The following ASPSCR1 variants were observed in gnomAD, a reference collection of about 807,000 sequenced individuals.
The protein encoded by ASPSCR1 is ASPSCR1 tether for SLC2A4, UBX domain containing.
Under a neutral mutation model 68.9 loss-of-function variants are expected in ASPSCR1, and 55 were observed. The ratio of observed to expected loss-of-function variants is 0.80; its 90% CI spans 0.64 to 1.00. The LOEUF (loss-of-function observed/expected upper bound fraction) is 1.00, where lower values mean the gene tolerates loss of function less well. Among genes scored for constraint, ASPSCR1 ranks in the 50% least tolerant of loss-of-function variants. The probability of loss-of-function intolerance (pLI) is 0.00; values close to 1 mark genes in which losing one functional copy is unlikely to be tolerated. For missense variants in ASPSCR1, 765 were observed against 762.2 expected, an observed-to-expected ratio of 1.00 and a Z score of -0.04; for synonymous variants, 352 against 332.6, an observed-to-expected ratio of 1.06 and a Z score of -0.63.
At position 81,983,628 on chromosome 17, in the gene ASPSCR1, T is replaced by G. The variant is rs1425239477; in HGVS notation, c.233T>G (p.Met78Arg). Residue 78 changes from methionine (M) to arginine (R), a missense_variant, in exon 3 of 16, where the codon ATG (methionine) becomes AGG (arginine). Transcript: ENST00000306739. This position sits in a 1 kb window ranked among gnomAD's most constrained non-coding sequence, Gnocchi z 4.4. ...CTGCCCAACAATGCCAAGCTGGAGATGGTGCCCGCTTCCCGGAGCCGTGAG... is the reference window on the plus strand; with the variant it reads ...CTGCCCAACAATGCCAAGCTGGAGAGGGTGCCCGCTTCCCGGAGCCGTGAG... ...ANLPNNAKLEMVPASRSREGP... is the reference protein window; with the variant it reads ...ANLPNNAKLERVPASRSREGP... The G allele has an allele frequency of 6.2e-7, 1 of 1,613,110 alleles. No homozygotes were observed.
In ASPSCR1 at chr17:82,016,517, G is replaced by C; in HGVS notation, c.1395G>C (p.Glu465Asp). The C allele has an allele frequency of 6.5e-7, 1 of 1,549,148 alleles. No homozygotes were observed. Among genetic ancestry groups the C allele is most frequent in the Non-Finnish European group, 8.7e-7 (1 of 1,147,036 alleles). Residue 465 changes from glutamate (E) to aspartate (D), a missense_variant, in exon 13 of 16, where the codon GAG (glutamate) becomes GAC (aspartate). Transcript: ENST00000306739. ...CCGCTCTGGTGCACTTGGGAGCCGA[G>C]GAGCCGGCAGGTGAGTGTCAGTGGT... ...FPAALVHLGA[E>D]EPAGVYLEPG...
chr17:82,008,914 G>T, intron 7 of ASPSCR1, 123 bp from the exon 8 acceptor site: 1 of 1,334,526 alleles, frequency 7.5e-7, no homozygotes, highest in Non-Finnish European at 9.8e-7. Context: ...GCTGGCCGGG[G>T]CCAGGGAGGG....
At chr17:81,978,204 C>T (rs1044949271) in intron 1 of ASPSCR1, 1 of 152,660 alleles carries the variant, frequency 6.6e-6, no homozygotes, top group African/African-American at 2.4e-5. Flanking sequence ...TACTTGGGCA[C>T]CTTGTGACCG....
Position 81,996,517 on chromosome 17 carries a change from T to A in ASPSCR1, c.604T>A (p.Leu202Met). ...GGCAGCCGCCAGCGCTCCACTTCCC[T>A]TGGAATCTGGGGAGCTCAGCCGCGG... ...GQAAASAPLP[L>M]ESGELSRGDL... The change falls in exon 7 of 16, where the codon TTG becomes ATG. Residue 202 changes from leucine (L) to methionine (M), a missense_variant. By Grantham distance (15) the Leu-to-Met change is conservative (BLOSUM62 2). Coordinates refer to ENST00000306739, the MANE Select transcript of ASPSCR1 (RefSeq NM_024083.4). The A allele has an allele frequency of 1.2e-6, 2 of 1,612,730 alleles. No homozygotes were observed. Among genetic ancestry groups the A allele is most frequent in the Non-Finnish European group, 1.7e-6 (2 of 1,179,676 alleles).
intron 12 of ASPSCR1, chr17:82,014,859 G>T (rs1255991773): frequency 6.4e-6 from 4 of 627,240 alleles, no homozygotes; most frequent in Non-Finnish European, 8.2e-6. Context: ...CTGGGCGGCA[G>T]CTAGGGAGGG....
intron 4 of ASPSCR1, among the ~76,000 whole-genome samples, chr17:81,985,955 G>A (rs560461191): frequency 2.6e-5 from 4 of 152,262 alleles, no homozygotes; most frequent in Admixed American, 1.3e-4. Context: ...GATTCCCCTG[G>A]ATGGGATCAT....
At chr17:82,002,780 A>G (rs1344544547) in intron 7 of ASPSCR1, among the ~76,000 whole-genome samples, 1 of 152,114 alleles carries the variant, frequency 6.6e-6, no homozygotes, top group Non-Finnish European at 1.5e-5. Flanking sequence ...CTGATCTCAA[A>G]TTCCTGACCT....
chr17:82,016,757 A>G (rs2144109525), intron 13 of ASPSCR1, 43 bp from the exon 14 acceptor site: 1 of 1,587,628 alleles, frequency 6.3e-7, no homozygotes, highest in East Asian at 2.3e-5. Context: ...TGGTGAGTGG[A>G]CCCCTCCTCA....
rs1170345107 is a variant in ASPSCR1, at chr17:81,979,340, A to G, written c.158+101A>G. 2.3e-6 allele frequency: 3 copies of G among 1,327,206 alleles called. No individual in the cohort carries two copies. The African/African-American group carries it at 4.3e-5, about 19-fold the overall frequency. 82.2% of individuals were successfully genotyped at this position (1,327,206 alleles called of 1,614,324 possible). On this transcript the variant is annotated intron_variant, in intron 2 of 15. Coordinates refer to ENST00000306739, the MANE Select transcript of ASPSCR1 (RefSeq NM_024083.4). ...TGGAAAAGCCCCCAGGTGGTTTTAA[A>G]CAGTCATATATTCCCTCCCAACTCT...
intron 7 of ASPSCR1, among the ~76,000 whole-genome samples, chr17:82,002,077 G>A (rs529199628): frequency 7.1e-6 from 1 of 141,238 alleles, no homozygotes; most frequent in East Asian, 2.1e-4. Flanking sequence ...GCACAATTAC[G>A]GCTCACAGCA....
Position 81,996,769 on chromosome 17 carries a change from A to C in ASPSCR1, c.856A>C (p.Lys286Gln), listed in dbSNP as rs750768559. ...PGGPSKPKKS[K>Q]SGQDPQQEQE... is the part of the protein sequence containing the mutation. ...AGGCCCCTCCAAGCCAAAGAAGTCC[A>C]AGTCGGGCCAGGATCCCCAGCAGGA... The change falls in exon 7 of 16, where the codon AAG (lysine) becomes CAG (glutamine). Residue 286 changes from lysine to glutamine, a missense_variant. Physicochemically the swap from Lys to Gln is moderately conservative, Grantham distance 53 (BLOSUM62 1). Coordinates refer to ENST00000306739, the MANE Select transcript of ASPSCR1 (RefSeq NM_024083.4). 5.0e-6 allele frequency: 8 copies of C among 1,612,362 alleles called. No homozygotes were observed. Among genetic ancestry groups the C allele is most frequent in the Non-Finnish European group, 2.5e-6 (3 of 1,179,718 alleles).
intron 7 of ASPSCR1, among the ~76,000 whole-genome samples, chr17:81,997,126 GGGCTCCGGGATGAGGCCGTGTT>G (rs1272699139): frequency 1.3e-5 from 2 of 151,184 alleles, no homozygotes; most frequent in East Asian, 1.9e-4. Context: ...GAGGCCGTGT[GGGCTCCGGGATGAGGCCGTGTT>G]GGCTCCATGA....
At chr17:81,989,325 G>C (rs1354638479) in intron 4 of ASPSCR1, among the ~76,000 whole-genome samples, 2 of 152,246 alleles carry the variant, frequency 1.3e-5, no homozygotes, top group African/African-American at 2.4e-5. Context: ...GGCGTTGCCA[G>C]CCCCACGGTG....
At chr17:81,988,751 T>G (rs1297888518) in intron 4 of ASPSCR1, among the ~76,000 whole-genome samples, 1 of 152,194 alleles carries the variant, frequency 6.6e-6, no homozygotes, top group Admixed American at 6.5e-5. Flanking sequence ...TTCCGTCGTG[T>G]GGGTGTCATG....
chr17:81,995,024 G>A (rs1191055365), intron 5 of ASPSCR1, 146 bp downstream of exon 5: 1 of 907,000 alleles, frequency 1.1e-6, no homozygotes, highest in Non-Finnish European at 1.6e-6. Context: ...GGAAAAAGAG[G>A]GAGTGGCCGG....
intron 4 of ASPSCR1, among the ~76,000 whole-genome samples, chr17:81,991,063 C>T (rs535138609): frequency 6.6e-5 from 10 of 152,240 alleles, no homozygotes; most frequent in African/African-American, 1.4e-4. Flanking sequence ...CGAGACCTGC[C>T]GTGGAACGAT....
intron 8 of ASPSCR1, 123 bp from the exon 9 acceptor site, chr17:82,009,363 T>A (rs1452747059): frequency 4.4e-6 from 6 of 1,358,108 alleles, no homozygotes; most frequent in Non-Finnish European, 4.9e-6. Context: ...GTCCAGACCT[T>A]CCTGCCTTGT....
At chr17:81,989,655 G>A (rs900198042) in intron 4 of ASPSCR1, among the ~76,000 whole-genome samples, 2 of 152,176 alleles carry the variant, frequency 1.3e-5, no homozygotes, top group African/African-American at 2.4e-5. Flanking sequence ...GGACCCCTGG[G>A]TGATTTCCTT....
Position 81,983,725 on chromosome 17 carries a change from C to G in ASPSCR1, c.273+57C>G. ...TGGGGCACAGGATCGTTCAGCTGGC[C>G]AGGGACGGGGGACGGGACAGTGGGG... On this transcript the variant is annotated intron_variant, in intron 3 of 15. Coordinates refer to ENST00000306739, the MANE Select transcript of ASPSCR1 (RefSeq NM_024083.4). This position sits in a 1 kb window ranked among gnomAD's most constrained non-coding sequence, Gnocchi z 4.4. 2 of 1,431,264 alleles carry G rather than the reference C, an allele frequency of 1.4e-6. No homozygotes were observed. Among genetic ancestry groups the G allele is most frequent in the South Asian group, 2.4e-5 (2 of 83,104 alleles). The allele number at this position is 1,431,264 out of a possible 1,614,324, so 88.7% of individuals were successfully genotyped here.
Sources: gnomAD v4.1 joint callset for allele counts (sites outside exome capture counted in the v4.1 genomes callset) on GRCh38, gnomAD v4.1.1 for gene constraint, Gnocchi (gnomAD v3.1) non-coding constraint, MANE v1.5 for transcripts, NCBI Gene and HGNC (gene_info 2026-07-23, HGNC 2026-07-21) for gene names.